COP1: variants seen among roughly 807,000 people sequenced by gnomAD.
The protein encoded by COP1 is COP1 E3 ubiquitin ligase.
In COP1, 24 loss-of-function variants were observed where a neutral mutation model predicts 101.3. The observed-to-expected ratio is 0.24, with a 90% CI of 0.17 to 0.33. The LOEUF is 0.33. COP1 is among the 10% of genes least tolerant of loss of function. The pLI, the probability that COP1 is intolerant of heterozygous loss-of-function variation, is 1.00. For missense variants in COP1, 663 were observed against 906.2 expected, an observed-to-expected ratio of 0.73 and a Z score of 3.45; for synonymous variants, 347 against 341.9, an observed-to-expected ratio of 1.01 and a Z score of -0.17.
intron 18 of COP1, among the ~76,000 whole-genome samples, chr1:175,968,179 T>G (rs7545043): frequency 0.75 from 114,533 of 152,194 alleles, 44,995 homozygotes; most frequent in East Asian, 0.92. Flanking sequence ...AAGAGAAGAA[T>G]AATATTTCCA....
At chr1:176,020,469 A>G (rs780888146) in intron 15 of COP1, among the ~76,000 whole-genome samples, 102 of 152,128 alleles carry the variant, frequency 6.7e-4, no homozygotes, top group Non-Finnish European at 1.1e-3. Context: ...ACCTGAGGTC[A>G]GAAGTTCGAG....
intron 11 of COP1, among the ~76,000 whole-genome samples, chr1:176,050,327 G>A (rs1672322346): frequency 6.6e-6 from 1 of 152,212 alleles, no homozygotes; most frequent in Admixed American, 6.5e-5. Context: ...CATACTGCCA[G>A]TACAATGCGG....
At chr1:176,206,424 A>C (rs1212388219) in intron 1 of COP1, 148 bp downstream of exon 1, 5 of 867,446 alleles carry the variant, frequency 5.8e-6, no homozygotes, top group Non-Finnish European at 8.6e-6. Flanking sequence ...AATGCCTGCA[A>C]ACGCTCGATT....
At chr1:176,080,352 A>G (rs902326442) in intron 11 of COP1, among the ~76,000 whole-genome samples, 3 of 152,168 alleles carry the variant, frequency 2.0e-5, no homozygotes, top group African/African-American at 7.2e-5. Flanking sequence ...CTCAATTTTT[A>G]TCTTAAGAAA....
chr1:176,081,385 CAAAAAACAATTTTTAAAGATTTTACTA>C (rs1341760827), intron 10 of COP1, 98 bp from the exon 11 acceptor site: 1 of 939,902 alleles, frequency 1.1e-6, no homozygotes, highest in Non-Finnish European at 1.5e-6. Flanking sequence ...ATTCTAAATA[CAAAAAACAATTTTTAAAGATTTTACTA>C]AAGACTAGTT....
At chr1:176,103,662 T>C (rs950239023) in intron 9 of COP1, among the ~76,000 whole-genome samples, 1 of 152,244 alleles carries the variant, frequency 6.6e-6, no homozygotes, top group African/African-American at 2.4e-5. Context: ...GATTTTTAGA[T>C]TTCAGATGCT....
At chr1:176,106,005 T>TA (rs1228321594) in intron 9 of COP1, among the ~76,000 whole-genome samples, 1 of 152,082 alleles carries the variant, frequency 6.6e-6, no homozygotes, top group African/African-American at 2.4e-5. Flanking sequence ...GGGAGGAACT[T>TA]AGTTTACAGG....
intron 6 of COP1, among the ~76,000 whole-genome samples, chr1:176,146,441 A>G (rs1288291980): frequency 6.6e-6 from 1 of 152,248 alleles, no homozygotes; most frequent in Non-Finnish European, 1.5e-5. Context: ...GTTTTAGGAT[A>G]TAATTTCCAA....
intron 18 of COP1, among the ~76,000 whole-genome samples, chr1:175,955,999 A>C (rs1411017694): frequency 6.6e-6 from 1 of 152,184 alleles, no homozygotes; most frequent in African/African-American, 2.4e-5. Flanking sequence ...AAAGTGATTC[A>C]AAAATTTAAA....
intron 8 of COP1, 53 bp downstream of exon 8, chr1:176,134,957 T>C (rs1308671696): frequency 2.0e-5 from 27 of 1,318,608 alleles, no homozygotes; most frequent in Middle Eastern, 1.8e-4. Context: ...GACTAGACCA[T>C]ATGCATACTT....
intron 8 of COP1, among the ~76,000 whole-genome samples, chr1:176,122,387 G>A (rs1687283425): frequency 6.6e-6 from 1 of 151,962 alleles, no homozygotes; most frequent in Admixed American, 6.6e-5. Context: ...AATCGGTGAA[G>A]GCAGGAAAGG....
chr1:176,078,470 A>G (rs1678475547), intron 11 of COP1, among the ~76,000 whole-genome samples: 1 of 152,160 alleles, frequency 6.6e-6, no homozygotes, highest in South Asian at 2.1e-4. Flanking sequence ...CTGGACCACT[A>G]CTTTTCACCA....
intron 1 of COP1, 157 bp downstream of exon 1, chr1:176,206,415 A>T: frequency 1.3e-6 from 1 of 763,002 alleles, no homozygotes; most frequent in Non-Finnish European, 2.0e-6. Context: ...AGGAGCTCGA[A>T]TGCCTGCAAA....
intron 18 of COP1, among the ~76,000 whole-genome samples, chr1:175,965,476 T>C (rs1651891960): frequency 6.6e-6 from 1 of 152,232 alleles, no homozygotes; most frequent in South Asian, 2.1e-4. Context: ...CGCAGAATCA[T>C]TCTTTTATTT....
chr1:176,097,400 T>C (rs1682589325), intron 9 of COP1, among the ~76,000 whole-genome samples: 1 of 152,158 alleles, frequency 6.6e-6, no homozygotes, highest in Non-Finnish European at 1.5e-5. Context: ...CCTTAGAAGC[T>C]GAATGTTTTC....
intron 18 of COP1, among the ~76,000 whole-genome samples, chr1:175,960,718 T>C (rs1178413394): frequency 6.6e-6 from 1 of 152,228 alleles, no homozygotes; most frequent in Non-Finnish European, 1.5e-5. Context: ...TATAAGTCCC[T>C]GGCTAACTTA....
chr1:176,165,521 C>G (rs1456974387), intron 3 of COP1, among the ~76,000 whole-genome samples: 1 of 151,884 alleles, frequency 6.6e-6, no homozygotes, highest in Admixed American at 6.6e-5. Flanking sequence ...ATGGCAAAAC[C>G]CTGCCTCTAC....
At chr1:176,137,811 G>A (rs1690044165) in intron 6 of COP1, among the ~76,000 whole-genome samples, 1 of 152,062 alleles carries the variant, frequency 6.6e-6, no homozygotes, top group Admixed American at 6.6e-5. Context: ...TACAGGCAAA[G>A]TTGGTAATAT....
chr1:175,954,370 A>G (rs567391646), intron 18 of COP1, among the ~76,000 whole-genome samples: 25 of 152,302 alleles, frequency 1.6e-4, no homozygotes, highest in Non-Finnish European at 2.8e-4. Context: ...AGAAGCTAGG[A>G]AAAGAGCAAG....
Sources: allele counts gnomAD v4.1 joint callset (sites outside exome capture counted in the v4.1 genomes callset), GRCh38; gene constraint gnomAD v4.1.1; transcripts MANE v1.5; gene names NCBI Gene and HGNC (gene_info 2026-07-23, HGNC 2026-07-21).